Variants in NRXN3 observed in about 807,000 individuals in gnomAD.
NRXN3 encodes neurexin 3.
Under a neutral mutation model 137.6 loss-of-function variants are expected in NRXN3, and 32 were observed. That is an observed-to-expected ratio of 0.23 (90% CI 0.18 to 0.31). The LOEUF is 0.31. Ranked by LOEUF, NRXN3 falls within the 10% of genes least tolerant of loss-of-function variation. The pLI is 1.00. For missense variants in NRXN3, 1,574 were observed against 2,062.5 expected, an observed-to-expected ratio of 0.76 and a Z score of 4.59; for synonymous variants, 798 against 784.5, an observed-to-expected ratio of 1.02 and a Z score of -0.29.
chr14:79,581,150 T>G (rs1212439216), intron 16 of NRXN3, among the ~76,000 whole-genome samples: 1 of 152,146 alleles, frequency 6.6e-6, no homozygotes, highest in Non-Finnish European at 1.5e-5. Context: ...GAGGCAGTGC[T>G]GGGATTGGAA....
chr14:79,433,261 A>C (rs2095792673), intron 15 of NRXN3, among the ~76,000 whole-genome samples: 1 of 152,190 alleles, frequency 6.6e-6, no homozygotes, highest in African/African-American at 2.4e-5. Context: ...TTTGAAAAGA[A>C]GATGATTGTT....
At chr14:78,747,977 A>G (rs2098619958) in intron 8 of NRXN3, among the ~76,000 whole-genome samples, 1 of 152,174 alleles carries the variant, frequency 6.6e-6, no homozygotes, top group African/African-American at 2.4e-5. Context: ...TTCATTTTAC[A>G]TGAAAGAGAA....
intron 1 of NRXN3, among the ~76,000 whole-genome samples, chr14:78,238,502 G>T (rs1451875356): frequency 6.6e-6 from 1 of 152,206 alleles, no homozygotes; most frequent in Non-Finnish European, 1.5e-5. Flanking sequence ...GGCAAAGAAG[G>T]CTGAAGGATA....
chr14:78,249,213 C>T (rs770378165), intron 2 of NRXN3, among the ~76,000 whole-genome samples: 15 of 152,252 alleles, frequency 9.9e-5, no homozygotes, highest in Non-Finnish European at 2.1e-4. Flanking sequence ...AAACCGCCCA[C>T]CAGCTGCAGG....
chr14:79,130,124 CTT>C (rs1246543178), intron 15 of NRXN3, among the ~76,000 whole-genome samples: 4 of 150,754 alleles, frequency 2.7e-5, no homozygotes, highest in African/African-American at 9.7e-5. Context: ...GGTCTTGACT[CTT>C]TATCCAATTT....
rs1394081828 is a variant in NRXN3, at chr14:78,225,974, G to GTGTTGGT, written c.-703-16417_-703-16416insTGTTGGT. On this transcript the variant is annotated intron_variant, in intron 1 of 20. Coordinates refer to ENST00000335750, the MANE Select transcript of NRXN3 (RefSeq NM_001330195.2). ...TTTGGTGTGTGTGTGTGTGTGTGTT[G>GTGTTGGT]GTGTGTGTGTGTGTGTGTGTGTGTG... Among the ~76,000 whole-genome samples, 689 of 123,670 alleles carry GTGTTGGT rather than the reference G, an allele frequency of 5.6e-3. 6 individuals carry two copies. Among genetic ancestry groups the GTGTTGGT allele is most frequent in the African/African-American group, 0.018 (600 of 32,462 alleles). 81.1% of individuals were successfully genotyped at this position (123,670 alleles called of 152,430 possible).
At position 78,253,255 on chromosome 14, in the gene NRXN3, C is replaced by A. The variant is rs369418632; in HGVS notation, c.709+9453C>A. 2.6e-5 allele frequency among the ~76,000 whole-genome samples: 4 copies of A among 152,328 alleles called. No individual in the cohort carries two copies. In the South Asian group the frequency reaches 6.2e-4, roughly 24 times the overall value. ...GAGATTCTGGTGTTGCAGGAGAAGT[C>A]TGTGAAGGATGAAGTGTGGATCATG... On this transcript the variant is annotated intron_variant, in intron 2 of 20. Transcript: ENST00000335750.
chr14:78,258,790 T>C (rs1053397834), intron 2 of NRXN3, among the ~76,000 whole-genome samples: 1 of 152,162 alleles, frequency 6.6e-6, no homozygotes, highest in Non-Finnish European at 1.5e-5. Context: ...TCAAAAACTA[T>C]TCATGTTGGT....
intron 10 of NRXN3, among the ~76,000 whole-genome samples, chr14:78,905,989 T>C (rs2099214906): frequency 6.6e-6 from 1 of 152,006 alleles, no homozygotes. Context: ...GAATAATTTA[T>C]GTTCTATAAG....
intron 4 of NRXN3, among the ~76,000 whole-genome samples, chr14:78,498,052 G>A (rs1291334983): frequency 6.6e-6 from 1 of 152,148 alleles, no homozygotes. Context: ...GTATTATGGA[G>A]ACGGGGATAT....
intron 20 of NRXN3, among the ~76,000 whole-genome samples, chr14:79,858,986 G>GA (rs764558511): frequency 4.0e-3 from 89 of 22,482 alleles, no homozygotes; most frequent in Admixed American, 9.3e-3. Flanking sequence ...GTAAAAAAAA[G>GA]AAAAAAAAAA....
intron 19 of NRXN3, among the ~76,000 whole-genome samples, chr14:79,701,792 A>G (rs571622970): frequency 2.0e-5 from 3 of 152,190 alleles, no homozygotes; most frequent in East Asian, 1.9e-4. Flanking sequence ...AGTCTACCAC[A>G]TTACTAAGGC....
chr14:78,724,631 A>G (rs1157548122), intron 8 of NRXN3, among the ~76,000 whole-genome samples: 1 of 152,148 alleles, frequency 6.6e-6, no homozygotes, highest in Non-Finnish European at 1.5e-5. Context: ...GCATCTGTGC[A>G]TATTTGTGAA....
At chr14:78,335,187 A>G (rs2081314784) in intron 4 of NRXN3, among the ~76,000 whole-genome samples, 1 of 152,178 alleles carries the variant, frequency 6.6e-6, no homozygotes, top group East Asian at 1.9e-4. Context: ...TCTGCACTTG[A>G]GATGATAAAA....
intron 6 of NRXN3, among the ~76,000 whole-genome samples, chr14:78,693,656 CGT>C (rs4016744): frequency 0.08 from 9,041 of 113,594 alleles, 375 homozygotes; most frequent in Middle Eastern, 0.12. Context: ...AGTTGATTTT[CGT>C]GTGTGTGTGT....
At chr14:78,441,643 C>T (rs1206904191) in intron 4 of NRXN3, among the ~76,000 whole-genome samples, 2 of 151,862 alleles carry the variant, frequency 1.3e-5, no homozygotes, top group Non-Finnish European at 2.9e-5. Context: ...ATGGTGGTTC[C>T]CCCAAAAGAT....
chr14:79,364,758 T>C (rs2093816674), intron 15 of NRXN3, among the ~76,000 whole-genome samples: 1 of 152,202 alleles, frequency 6.6e-6, no homozygotes, highest in South Asian at 2.1e-4. Context: ...ATAATGTGAC[T>C]TTTTTAAAAT....
Position 78,788,915 on chromosome 14 carries a change from C to T in NRXN3, c.2045-14705C>T, listed in dbSNP as rs1049245119. On this transcript the variant is annotated intron_variant, in intron 8 of 20. Transcript: ENST00000335750. The stretch of plus-strand genomic sequence containing the variant: ...GATCTTCTAACTCCAAGCTTATATG[C>T]TTACAGAGACAGCACACCAAGCAAT... Among the ~76,000 whole-genome samples, 26 of 152,216 alleles carry T rather than the reference C, an allele frequency of 1.7e-4. 1 individual carries two copies. The highest frequency in any genetic ancestry group is 3.4e-3 in the Middle Eastern group (1 of 294).
chr14:78,196,766 T>C (rs924399690), intron 1 of NRXN3, among the ~76,000 whole-genome samples: 7 of 152,178 alleles, frequency 4.6e-5, no homozygotes, highest in African/African-American at 1.7e-4. Context: ...ATGGCGCTAT[T>C]AGAACCTAAT....
Sources: gnomAD v4.1 joint callset for allele counts (sites outside exome capture counted in the v4.1 genomes callset) on GRCh38, gnomAD v4.1.1 for gene constraint, MANE v1.5 for transcripts, NCBI Gene and HGNC (gene_info 2026-07-23, HGNC 2026-07-21) for gene names.